The following POLD3 variants were observed in gnomAD, a reference collection of about 807,000 sequenced individuals.
The protein encoded by POLD3 is DNA polymerase delta 3, accessory subunit, also known as DNA polymerase delta subunit 3.
Under a neutral mutation model 58.2 loss-of-function variants are expected in POLD3, and 19 were observed. The ratio of observed to expected loss-of-function variants is 0.33; its 90% confidence interval spans 0.23 to 0.48. The LOEUF (loss-of-function observed/expected upper bound fraction) is 0.48. Among genes scored for constraint, POLD3 ranks in the 20% least tolerant of loss-of-function variants. The probability of loss-of-function intolerance (pLI) is 0.99; values close to 1 mark genes in which losing one functional copy is unlikely to be tolerated. For missense variants in POLD3, 504 were observed against 545.5 expected (o/e 0.92, Z 0.76); for synonymous variants, 172 against 193.5 (o/e 0.89, Z 0.92).
intron 7 of POLD3, among the ~76,000 whole-genome samples, chr11:74,621,296 C>T (rs967323043): frequency 6.6e-6 from 1 of 152,016 alleles, no homozygotes; most frequent in Non-Finnish European, 1.5e-5. Flanking sequence ...GGATTGTGAA[C>T]CCTATTGTGA....
chr11:74,610,897 C>T (rs374837598), intron 3 of POLD3, among the ~76,000 whole-genome samples: 2 of 152,184 alleles, frequency 1.3e-5, no homozygotes, highest in African/African-American at 4.8e-5. Context: ...ACCTCACCCC[C>T]CTGAGTAGCT....
intron 9 of POLD3, among the ~76,000 whole-genome samples, chr11:74,631,477 C>CT (rs1158260012): frequency 0.43 from 47,270 of 110,252 alleles, 11,386 homozygotes; most frequent in Non-Finnish European, 0.49. Context: ...TTTGTCTTGT[C>CT]TTTTTTTTTT....
intron 2 of POLD3, chr11:74,595,305 T>G (rs1288273510): frequency 6.6e-6 from 1 of 152,034 alleles, no homozygotes; most frequent in Non-Finnish European, 1.5e-5. Context: ...AACTTTTTAT[T>G]ATGTCTTATT....
At chr11:74,602,609 G>GCCT (rs10623741) in intron 2 of POLD3, among the ~76,000 whole-genome samples, 62,879 of 151,808 alleles carry the variant, frequency 0.41, 14,606 homozygotes, top group African/African-American at 0.64. Flanking sequence ...TATTGCAATA[G>GCCT]CCTAACTGGT....
chr11:74,655,780 C>T (rs1227668746), intron 4 of POLD3, among the ~76,000 whole-genome samples: 3 of 152,046 alleles, frequency 2.0e-5, no homozygotes, highest in Non-Finnish European at 2.9e-5. Context: ...AATATTGAAA[C>T]GTTCTAAGTT....
At chr11:74,653,675 G>C (rs140910013) in intron 4 of POLD3, among the ~76,000 whole-genome samples, 1 of 152,082 alleles carries the variant, frequency 6.6e-6, no homozygotes, top group Non-Finnish European at 1.5e-5. Context: ...GCAATAAAAA[G>C]ACATTAGACT....
At chr11:74,648,683 A>G (rs529333117) in intron 4 of POLD3, among the ~76,000 whole-genome samples, 5 of 152,348 alleles carry the variant, frequency 3.3e-5, no homozygotes, top group African/African-American at 1.2e-4. Context: ...ATGAGGCCAT[A>G]TAAGTAGGCA....
At chr11:74,597,496 TG>T (rs1449753985) in intron 2 of POLD3, among the ~76,000 whole-genome samples, 1 of 152,238 alleles carries the variant, frequency 6.6e-6, no homozygotes, top group Non-Finnish European at 1.5e-5. Context: ...GGTTTCACCC[TG>T]TTGCCCAGAT....
chr11:74,607,074 CT>C (rs1392546215), intron 3 of POLD3, among the ~76,000 whole-genome samples: 2 of 151,842 alleles, frequency 1.3e-5, no homozygotes, highest in African/African-American at 4.8e-5. Flanking sequence ...TTACCTATGC[CT>C]TTTTTCCCTT....
At chr11:74,639,647 A>G (rs988120028) in intron 11 of POLD3, among the ~76,000 whole-genome samples, 1 of 152,188 alleles carries the variant, frequency 6.6e-6, no homozygotes, top group Non-Finnish European at 1.5e-5. Flanking sequence ...GCAGTAGTGT[A>G]GATCCTCCTC....
chr11:74,628,269 G>A (rs1264019402), intron 8 of POLD3, among the ~76,000 whole-genome samples: 1 of 151,976 alleles, frequency 6.6e-6, no homozygotes, highest in Non-Finnish European at 1.5e-5. Context: ...TTTATAAAAG[G>A]CTTATTAATA....
At chr11:74,651,079 A>G (rs1056302480) in intron 4 of POLD3, among the ~76,000 whole-genome samples, 2 of 152,152 alleles carry the variant, frequency 1.3e-5, no homozygotes, top group African/African-American at 2.4e-5. Flanking sequence ...ACTTATCACT[A>G]TCTCTGCTAA....
rs573331248 is a variant in POLD3 at position 74,630,034 on chromosome 11, A to G, written c.1006+711A>G. On this transcript the variant is annotated intron_variant, in intron 9 of 11. Transcript: ENST00000263681. The stretch of plus-strand genomic sequence containing the variant: ...TTTGAACTGCTCTAATCAATTGTCC[A>G]TGAATTCATGGCATAATGGGTATAA... Among the ~76,000 whole-genome samples, 3 of 152,318 alleles carry G rather than the reference A, an allele frequency of 2.0e-5. No homozygotes were observed. The East Asian group carries it at 5.8e-4, about 29-fold the overall frequency.
At chr11:74,654,228 A>T (rs1342167692) in intron 4 of POLD3, among the ~76,000 whole-genome samples, 1 of 152,230 alleles carries the variant, frequency 6.6e-6, no homozygotes, top group Non-Finnish European at 1.5e-5. Context: ...AAAGATGCAG[A>T]TAGGTTAAAA....
chr11:74,656,036 T>C (rs892097214), intron 4 of POLD3, among the ~76,000 whole-genome samples: 1 of 152,182 alleles, frequency 6.6e-6, no homozygotes, highest in Non-Finnish European at 1.5e-5. Flanking sequence ...TATCAGCAAT[T>C]AGTAATTGTA....
chr11:74,615,194 G>A (rs1565117991), intron 5 of POLD3, among the ~76,000 whole-genome samples: 2 of 152,218 alleles, frequency 1.3e-5, no homozygotes, highest in East Asian at 1.9e-4. Flanking sequence ...AGTAGTACCA[G>A]CCAGATAGGG....
chr11:74,607,211 G>A (rs117354168), intron 3 of POLD3, among the ~76,000 whole-genome samples: 323 of 149,220 alleles, frequency 2.2e-3, no homozygotes, highest in Non-Finnish European at 3.7e-3. Context: ...AAGACATTAC[G>A]CAGCTTTGTA....
chr11:74,595,163 C>CTCT (rs1565108704), intron 2 of POLD3: 3 of 123,016 alleles, frequency 2.4e-5, no homozygotes. Flanking sequence ...CATGGATGAA[C>CTCT]TCTTTTTTTT....
At chr11:74,646,932 G>A (rs768404573), downstream of POLD3, among the ~76,000 whole-genome samples, 8 of 152,184 alleles carry the variant, frequency 5.3e-5, no homozygotes, top group Non-Finnish European at 1.0e-4. Flanking sequence ...ACCAGGGACC[G>A]GTTTCATGGA....
Sources: gnomAD v4.1 joint callset for allele counts (sites outside exome capture counted in the v4.1 genomes callset) on GRCh38, gnomAD v4.1.1 for gene constraint, MANE v1.5 for transcripts, NCBI Gene and HGNC (gene_info 2026-07-23, HGNC 2026-07-21) for gene names.